The following USP37 variants were observed in gnomAD, a reference collection of about 807,000 sequenced individuals.
USP37 encodes ubiquitin carboxyl-terminal hydrolase 37.
A neutral mutation model predicts 124.0 loss-of-function variants in USP37; 27 were observed. That is an observed-to-expected ratio of 0.22 (90% CI 0.16 to 0.30). The LOEUF is 0.30. Among genes scored for constraint, USP37 ranks in the 10% least tolerant of loss-of-function variants. The probability of loss-of-function intolerance (pLI) is 1.00; values close to 1 mark genes in which losing one functional copy is unlikely to be tolerated. For synonymous variants in USP37, 365 were observed against 388.0 expected, an observed-to-expected ratio of 0.94 and a Z score of 0.70; for missense variants, 889 against 1,140.4, an observed-to-expected ratio of 0.78 and a Z score of 3.17.
intron 16 of USP37, among the ~76,000 whole-genome samples, chr2:218,484,394 G>C (rs539921356): frequency 7.2e-5 from 11 of 152,192 alleles, no homozygotes; most frequent in African/African-American, 2.4e-4. Context: ...GGCCAAGGCA[G>C]GTGGATCACC....
intron 11 of USP37, among the ~76,000 whole-genome samples, chr2:218,504,984 T>C (rs994628823): frequency 1.1e-4 from 16 of 152,184 alleles, no homozygotes; most frequent in Non-Finnish European, 1.5e-5. Context: ...TTCACCCATT[T>C]TCTTTTAGTT....
intron 19 of USP37, among the ~76,000 whole-genome samples, chr2:218,475,880 C>T (rs1420235377): frequency 4.0e-5 from 6 of 151,324 alleles, no homozygotes; most frequent in Admixed American, 6.6e-5. Flanking sequence ...GAGCCAAGAT[C>T]GTGCCACTGC....
intron 11 of USP37, among the ~76,000 whole-genome samples, chr2:218,508,186 T>TG (rs1689779102): frequency 6.6e-6 from 1 of 152,150 alleles, no homozygotes; most frequent in East Asian, 1.9e-4. Flanking sequence ...GTTAATCTTA[T>TG]GGTTTTTTTT....
rs765834170 is a variant in USP37 at position 218,454,913 on chromosome 2, A to C, written c.*17T>G. 6.2e-7 allele frequency: 1 copy of C among 1,613,344 alleles called. No individual in the cohort carries two copies. The highest frequency in any genetic ancestry group is 8.5e-7 in the Non-Finnish European group (1 of 1,179,856). On this transcript the variant is annotated 3_prime_UTR_variant, in exon 26 of 26. Coordinates refer to ENST00000258399, the MANE Select transcript of USP37 (RefSeq NM_020935.3). ...AACAAATATGCAGTGCATGCTGCCAACCCAGGAGTTTGTTCCTCACAAGGC... is the reference window on the plus strand; with the variant it reads ...AACAAATATGCAGTGCATGCTGCCACCCCAGGAGTTTGTTCCTCACAAGGC...
intron 20 of USP37, 80 bp downstream of exon 20, chr2:218,474,550 A>T: frequency 6.4e-7 from 1 of 1,555,636 alleles, no homozygotes; most frequent in Non-Finnish European, 8.7e-7. Flanking sequence ...ATCTCCCGTT[A>T]TTTGGAGGTT....
intron 11 of USP37, among the ~76,000 whole-genome samples, chr2:218,506,282 CTGGCT>C (rs1559193628): frequency 7.4e-5 from 9 of 121,412 alleles, no homozygotes; most frequent in African/African-American, 2.4e-4. Flanking sequence ...TACTTTCTTT[CTGGCT>C]TTTTTTTTTT....
At chr2:218,488,796 C>T (rs1207185762) in intron 14 of USP37, among the ~76,000 whole-genome samples, 6 of 151,918 alleles carry the variant, frequency 3.9e-5, no homozygotes, top group Non-Finnish European at 5.9e-5. Context: ...CCACCATGCC[C>T]GGCTAATTTT....
rs770938448 is a variant in USP37 at position 218,553,554 on chromosome 2, T to G, written c.327A>C (p.Ala109=). Residue 109 remains alanine (A), a splice_region_variant and synonymous_variant, in exon 5 of 26, where the codon GCA becomes GCC. Transcript: ENST00000258399. The part of the protein sequence containing the change: ...LDAVHQNRLP[A]AMKPSQGSGS... ...GACCCTGGGGTGATTAGTACTCACCTGCAGGAAGTCTGTTTTGATGGACTG... is the reference window on the plus strand; with the variant it reads ...GACCCTGGGGTGATTAGTACTCACCGGCAGGAAGTCTGTTTTGATGGACTG... 1.2e-6 allele frequency: 2 copies of G among 1,612,058 alleles called. No homozygotes were observed. Among genetic ancestry groups the G allele is most frequent in the Non-Finnish European group, 1.7e-6 (2 of 1,178,886 alleles).
chr2:218,452,751 A>G lies in USP37; in HGVS notation c.*2179T>C, dbSNP rs570803726. On this transcript the variant is annotated 3_prime_UTR_variant, in exon 26 of 26. Coordinates refer to ENST00000258399, the MANE Select transcript of USP37 (RefSeq NM_020935.3). ...AATCTAGACTTATGGCATTATTTCT[A>G]CTTTTCTCCATGTTTTAATTGCAGC... is the stretch of plus-strand genomic sequence containing the variant. 12 of 152,344 alleles carry G rather than the reference A, an allele frequency of 7.9e-5. No homozygotes were observed. The East Asian group carries it at 2.3e-3, about 29-fold the overall frequency. 9.4% of individuals were successfully genotyped at this position (152,344 alleles called of 1,614,324 possible). A position where few individuals can be genotyped will look rare whatever the true frequency, so the allele number is the denominator to read the frequency against.
intron 10 of USP37, among the ~76,000 whole-genome samples, chr2:218,510,767 C>T (rs1024995121): frequency 4.6e-5 from 7 of 152,176 alleles, no homozygotes; most frequent in South Asian, 4.1e-4. Context: ...CCAAGGTGGG[C>T]GGATTGCTTG....
chr2:218,488,193 A>AAAAAG, intron 15 of USP37, 111 bp downstream of exon 15: 1 of 630,656 alleles, frequency 1.6e-6, no homozygotes. Flanking sequence ...AAAAAAAAAA[A>AAAAAG]AAAAGAAAAG....
At chr2:218,520,751 C>A (rs1295218665) in intron 10 of USP37, among the ~76,000 whole-genome samples, 1 of 152,234 alleles carries the variant, frequency 6.6e-6, no homozygotes, top group Admixed American at 6.5e-5. Context: ...TCTCTTAAAT[C>A]ATTTATAACC....
At position 218,453,394 on chromosome 2, in the gene USP37, A is replaced by C. The variant is rs1284551693; in HGVS notation, c.*1536T>G. On this transcript the variant is annotated 3_prime_UTR_variant, in exon 26 of 26. Coordinates refer to ENST00000258399, the MANE Select transcript of USP37 (RefSeq NM_020935.3). The stretch of plus-strand genomic sequence containing the variant: ...TCTCTCATGTGATGGTGGGTTTTTA[A>C]ATGTTTTTTCCTTCTGAAAACCTGA... 6.6e-6 allele frequency: 1 copy of C among 151,900 alleles called. No homozygotes were observed. Among genetic ancestry groups the C allele is most frequent in the African/African-American group, 2.4e-5 (1 of 41,340 alleles). The allele number at this position is 151,900 out of a possible 1,614,324, so 9.4% of individuals were successfully genotyped here. A position where few individuals can be genotyped will look rare whatever the true frequency, so the allele number is the denominator to read the frequency against.
At chr2:218,468,717 C>T (rs1234704120) in intron 20 of USP37, among the ~76,000 whole-genome samples, 5 of 151,660 alleles carry the variant, frequency 3.3e-5, no homozygotes, top group Admixed American at 6.6e-5. Flanking sequence ...TTTTTGAGAC[C>T]GACTCTCACT....
chr2:218,559,045 G>A (rs1693176782), intron 3 of USP37, among the ~76,000 whole-genome samples: 3 of 150,044 alleles, frequency 2.0e-5, no homozygotes, highest in Admixed American at 2.0e-4. Flanking sequence ...TGGTGGCTCA[G>A]CCTGTAATCC....
intron 6 of USP37, 48 bp downstream of exon 6, chr2:218,549,761 G>C: frequency 6.4e-7 from 1 of 1,568,042 alleles, no homozygotes; most frequent in Non-Finnish European, 8.7e-7. Flanking sequence ...ACTGTGCCTG[G>C]CCAACTATCA....
rs530310078 is a variant in USP37 at position 218,550,647 on chromosome 2, A to C, written c.329-738T>G. Among the ~76,000 whole-genome samples the C allele has an allele frequency of 1.1e-3, 174 of 151,760 alleles. 2 individuals carry two copies. The highest frequency in any genetic ancestry group is 4.0e-3 in the African/African-American group (164 of 41,510). On this transcript the variant is annotated intron_variant, in intron 5 of 25. Coordinates refer to ENST00000258399, the MANE Select transcript of USP37 (RefSeq NM_020935.3). ...AAAAAAGAAAAAAGAAAAAAAAAAA[A>C]AAACCTCTATGCTCCTACCAAGTAT...
Position 218,512,316 on chromosome 2 carries a change from G to A in USP37, c.864-2176C>T, listed in dbSNP as rs1265038394. ...GAGGTCAGGAGTTTGAGAACAGCCT[G>A]GCCAACATGGAGAAACCCTGTCTCT... On this transcript the variant is annotated intron_variant, in intron 10 of 25. Transcript: ENST00000258399. Among the ~76,000 whole-genome samples the A allele has an allele frequency of 2.0e-5, 3 of 152,096 alleles. No homozygotes were observed. The East Asian group carries it at 5.8e-4, about 29-fold the overall frequency.
chr2:218,507,222 C>T (rs977357953), intron 11 of USP37, among the ~76,000 whole-genome samples: 1 of 151,892 alleles, frequency 6.6e-6, no homozygotes, highest in Non-Finnish European at 1.5e-5. Context: ...TAGAGTGGTG[C>T]AATCTCGGCT....
Sources: gnomAD v4.1 joint callset for allele counts (sites outside exome capture counted in the v4.1 genomes callset) on GRCh38, gnomAD v4.1.1 for gene constraint, MANE v1.5 for transcripts, NCBI Gene and HGNC (gene_info 2026-07-23, HGNC 2026-07-21) for gene names.